Variants in FNTA observed in about 807,000 individuals in gnomAD.
The protein encoded by FNTA is farnesyltransferase, CAAX box, subunit alpha.
In FNTA, 27 loss-of-function variants were observed where a neutral mutation model predicts 55.2. The ratio of observed to expected loss-of-function variants is 0.49; its 90% CI spans 0.36 to 0.67. The LOEUF is 0.67. FNTA is among the 30% of genes least tolerant of loss of function. The pLI is 0.00. For synonymous variants in FNTA, 176 were observed against 170.7 expected (o/e 1.03, Z -0.24); for missense variants, 422 against 464.7 (o/e 0.91, Z 0.85).
intron 8 of FNTA, 62 bp from the exon 9 acceptor site, chr8:43,085,098 C>T: frequency 7.3e-7 from 1 of 1,377,168 alleles, no homozygotes. Flanking sequence ...TGTATTGGCT[C>T]AAAGGCATTT....
At chr8:43,063,289 C>T in intron 2 of FNTA, 1 of 456,006 alleles carries the variant, frequency 2.2e-6, no homozygotes, top group Non-Finnish European at 4.4e-6. Context: ...CTAAGTTGCC[C>T]AGGCTAATTT....
Position 43,075,310 on chromosome 8 carries a change from G to A in FNTA, c.634-1906G>A, listed in dbSNP as rs187340491. On this transcript the variant is annotated intron_variant, in intron 5 of 8. Transcript: ENST00000302279. ...ACAAAAATGTTACTTTCCTTAATGC[G>A]TTTATTTTTATGATCACCTGTAAAA... 1.1e-4 allele frequency among the ~76,000 whole-genome samples: 17 copies of A among 152,162 alleles called. No individual in the cohort carries two copies. The South Asian group carries it at 2.5e-3, about 22-fold the overall frequency.
chr8:43,072,113 A>AT, intron 4 of FNTA, 68 bp from the exon 5 acceptor site: 1 of 1,245,170 alleles, frequency 8.0e-7, no homozygotes, highest in Non-Finnish European at 1.1e-6. Context: ...CCTTTACAAC[A>AT]TGTGCAACTG....
At chr8:43,063,092 T>A (rs1425850619) in intron 2 of FNTA, among the ~76,000 whole-genome samples, 2 of 150,852 alleles carry the variant, frequency 1.3e-5, no homozygotes, top group African/African-American at 4.9e-5. Context: ...AGTTCCTTTT[T>A]TTTTTTTTTT....
In FNTA at chr8:43,063,867, A is replaced by G. The variant is rs570506761; in HGVS notation, c.287-234A>G. 1.8e-4 allele frequency among the ~76,000 whole-genome samples: 28 copies of G among 152,378 alleles called. No homozygotes were observed. In the South Asian group the frequency reaches 5.4e-3, roughly 29 times the overall value. On this transcript the variant is annotated intron_variant, in intron 2 of 8. Coordinates refer to ENST00000302279, the MANE Select transcript of FNTA (RefSeq NM_002027.3). ...GAGATATGGAATCTGGCATGAACTC[A>G]TGCACACACGTAAGCAGTAAGCATA...
chr8:43,061,905 G>T (rs1325753084), intron 2 of FNTA, among the ~76,000 whole-genome samples: 6 of 152,062 alleles, frequency 3.9e-5, no homozygotes, highest in Admixed American at 3.9e-4. Flanking sequence ...TTTTAGTAGA[G>T]ACGGGGTTTC....
chr8:43,059,258 G>C, intron 2 of FNTA, 81 bp downstream of exon 2: 1 of 908,412 alleles, frequency 1.1e-6, no homozygotes, highest in East Asian at 2.9e-5. Flanking sequence ...TAGCAAGATA[G>C]ATGACAAATT....
At chr8:43,066,344 C>T (rs765455983) in intron 3 of FNTA, among the ~76,000 whole-genome samples, 12 of 150,358 alleles carry the variant, frequency 8.0e-5, no homozygotes, top group Admixed American at 6.6e-4. Flanking sequence ...GCAAGCTCTG[C>T]CTCCTGGGTT....
chr8:43,077,171 A>G lies in FNTA; in HGVS notation c.634-45A>G, dbSNP rs1311413916. ...TTAATTTATTTTTTATTCATAAATA[A>G]TGGGACATTTCTAATTGGATGATTT... On this transcript the variant is annotated intron_variant, in intron 5 of 8. Transcript: ENST00000302279. 6.7e-6 allele frequency: 9 copies of G among 1,348,988 alleles called. No homozygotes were observed. In the Admixed American group the frequency reaches 1.9e-4, roughly 29 times the overall value. 83.6% of individuals were successfully genotyped at this position (1,348,988 alleles called of 1,614,324 possible). A position where few individuals can be genotyped will look rare whatever the true frequency, so the allele number is the denominator to read the frequency against.
intron 2 of FNTA, among the ~76,000 whole-genome samples, chr8:43,059,669 T>G (rs1810487898): frequency 6.6e-6 from 1 of 152,210 alleles, no homozygotes; most frequent in Non-Finnish European, 1.5e-5. Flanking sequence ...AAGTGTAAAT[T>G]GAAGGTCGTG....
At position 43,084,706 on chromosome 8, in the gene FNTA, A is replaced by G; in HGVS notation, c.846-4A>G. The G allele has an allele frequency of 6.3e-7, 1 of 1,583,326 alleles. No homozygotes were observed. Among genetic ancestry groups the G allele is most frequent in the East Asian group, 2.3e-5 (1 of 44,296 alleles). ...AAGTCTTTGTTTTTTGTTGTTGTTT[A>G]CAGGATTTTGCAGGATCGTGGTCTT... On this transcript the variant is annotated splice_region_variant and splice_polypyrimidine_tract_variant and intron_variant, in intron 7 of 8. Transcript: ENST00000302279.
intron 1 of FNTA, among the ~76,000 whole-genome samples, chr8:43,058,789 TAAAA>T (rs1810469470): frequency 6.6e-6 from 1 of 151,800 alleles, no homozygotes; most frequent in African/African-American, 2.4e-5. Flanking sequence ...AAAAATAAAA[TAAAA>T]AAAAGTACTG....
At position 43,069,660 on chromosome 8, in the gene FNTA, G is replaced by GT; in HGVS notation, c.506+2dup. 6.2e-7 allele frequency: 1 copy of GT among 1,601,868 alleles called. No individual in the cohort carries two copies. Among genetic ancestry groups the GT allele is most frequent in the Non-Finnish European group, 8.5e-7 (1 of 1,169,660 alleles). On this transcript the variant is annotated splice_donor_variant, in intron 4 of 8. Coordinates refer to ENST00000302279, the MANE Select transcript of FNTA (RefSeq NM_002027.3). LOFTEE classifies it high-confidence loss of function. ...AGCAGCCCAAAAACTATCAAGTTTG[G>GT]TAAGTTTGGAGTCTAGCTGTGTCTC...
chr8:43,068,788 C>A (rs1447847944), intron 3 of FNTA, among the ~76,000 whole-genome samples: 3 of 152,188 alleles, frequency 2.0e-5, no homozygotes, highest in Non-Finnish European at 4.4e-5. Context: ...TCTTGGCTCA[C>A]TGCAGCCTCT....
At chr8:43,070,839 C>G (rs916853482) in intron 4 of FNTA, among the ~76,000 whole-genome samples, 1 of 152,172 alleles carries the variant, frequency 6.6e-6, no homozygotes, top group Non-Finnish European at 1.5e-5. Flanking sequence ...TCCTTAAATC[C>G]GAGAACATCA....
chr8:43,060,424 C>T (rs556169372), intron 2 of FNTA, among the ~76,000 whole-genome samples: 6 of 152,212 alleles, frequency 3.9e-5, no homozygotes, highest in African/African-American at 1.4e-4. Flanking sequence ...CCTGTAATCC[C>T]AGTACTTTGG....
chr8:43,075,632 A>G (rs376357895), intron 5 of FNTA, among the ~76,000 whole-genome samples: 1 of 152,044 alleles, frequency 6.6e-6, no homozygotes, highest in East Asian at 1.9e-4. Flanking sequence ...CCTGGCCAAC[A>G]TGGTAAAACC....
intron 7 of FNTA, among the ~76,000 whole-genome samples, chr8:43,083,813 C>T (rs762013129): frequency 2.6e-5 from 4 of 152,202 alleles, no homozygotes; most frequent in Non-Finnish European, 5.9e-5. Context: ...TAGCTCATGC[C>T]TGCAATCCCA....
chr8:43,083,239 A>C, intron 7 of FNTA, 59 bp downstream of exon 7: 2 of 923,730 alleles, frequency 2.2e-6, no homozygotes, highest in Non-Finnish European at 3.4e-6. Context: ...ATGATGCATC[A>C]TGGAGTGTAT....
Sources: allele counts gnomAD v4.1 joint callset (sites outside exome capture counted in the v4.1 genomes callset), GRCh38; gene constraint gnomAD v4.1.1; transcripts MANE v1.5; gene names NCBI Gene and HGNC (gene_info 2026-07-23, HGNC 2026-07-21).